Variants in FBXL4 observed in about 807,000 individuals in gnomAD.
FBXL4 encodes F-box and leucine rich repeat protein 4.
In FBXL4, 40 loss-of-function variants were observed where a neutral mutation model predicts 58.9. The observed-to-expected ratio is 0.68, with a 90% CI of 0.53 to 0.88. FBXL4 has a LOEUF of 0.88. FBXL4 is among the 40% of genes least tolerant of loss of function. The probability of loss-of-function intolerance (pLI) is 0.00; values close to 1 mark genes in which losing one functional copy is unlikely to be tolerated. For synonymous variants in FBXL4, 263 were observed against 265.5 expected (o/e 0.99, Z 0.09); for missense variants, 676 against 734.4 (o/e 0.92, Z 0.92).
chr6:98,909,418 C>CACTGAAAT (rs1771944042), intron 5 of FBXL4, among the ~76,000 whole-genome samples: 2 of 152,172 alleles, frequency 1.3e-5, no homozygotes, highest in Non-Finnish European at 2.9e-5. Context: ...GCTTTGGTCA[C>CACTGAAAT]ACTGAAATAC....
At chr6:98,881,037 A>ATGGC (rs1369116727) in intron 7 of FBXL4, among the ~76,000 whole-genome samples, 1 of 152,166 alleles carries the variant, frequency 6.6e-6, no homozygotes, top group African/African-American at 2.4e-5. Context: ...CTCCTGAAGA[A>ATGGC]TGGCTGCAGC....
chr6:98,881,494 C>G (rs1447499119), intron 7 of FBXL4, among the ~76,000 whole-genome samples: 1 of 151,854 alleles, frequency 6.6e-6, no homozygotes, highest in African/African-American at 2.4e-5. Flanking sequence ...TATTATACAA[C>G]TTCTGTAAAA....
At chr6:98,920,379 A>T (rs774142111) in intron 4 of FBXL4, among the ~76,000 whole-genome samples, 1 of 152,160 alleles carries the variant, frequency 6.6e-6, no homozygotes. Context: ...TTATTTAGTT[A>T]CATATATATC....
chr6:98,876,233 G>A (rs1002794060), intron 8 of FBXL4, among the ~76,000 whole-genome samples: 4 of 152,116 alleles, frequency 2.6e-5, no homozygotes, highest in Admixed American at 1.3e-4. Flanking sequence ...TTTGGGGACT[G>A]CATATACAAC....
intron 5 of FBXL4, among the ~76,000 whole-genome samples, chr6:98,912,629 G>C (rs138129388): frequency 2.6e-5 from 4 of 151,882 alleles, no homozygotes; most frequent in Non-Finnish European, 5.9e-5. Context: ...CAAATGCTGA[G>C]AGATTTTGTC....
At chr6:98,878,745 A>G (rs1770743537) in intron 8 of FBXL4, among the ~76,000 whole-genome samples, 1 of 152,130 alleles carries the variant, frequency 6.6e-6, no homozygotes, top group Non-Finnish European at 1.5e-5. Flanking sequence ...AATAAGGTAC[A>G]TCTAAGCAAA....
In FBXL4 at chr6:98,874,338, A is replaced by C. The variant is rs1562213020; in HGVS notation, c.1806T>G (p.Ala602=). 6.2e-7 allele frequency: 1 copy of C among 1,613,062 alleles called. No homozygotes were observed. Among genetic ancestry groups the C allele is most frequent in the Admixed American group, 1.7e-5 (1 of 59,696 alleles). ...VSFCSQIDNR[A]VLELNASFPK... is the part of the protein sequence containing the mutation. ...GAAAGCTTGCATTCAGTTCTAGCACAGCTCTGTTATCAATCTGCGAACAGA... is the reference window on the plus strand; with the variant it reads ...GAAAGCTTGCATTCAGTTCTAGCACCGCTCTGTTATCAATCTGCGAACAGA... The change falls in exon 10 of 10, where the codon GCT becomes GCG. Residue 602 remains alanine, a synonymous_variant. Transcript: ENST00000369244.
At position 98,871,267 on chromosome 6, in the gene FBXL4, T is replaced by A. The variant is rs542156277; in HGVS notation, c.*3011A>T. 11 of 152,180 alleles carry A rather than the reference T, an allele frequency of 7.2e-5. No homozygotes were observed. The highest frequency in any genetic ancestry group is 1.5e-4 in the Non-Finnish European group (10 of 68,038). The allele number at this position is 152,180 out of a possible 1,614,324, so 9.4% of individuals were successfully genotyped here. A position where few individuals can be genotyped will look rare whatever the true frequency, so the allele number is the denominator to read the frequency against. On this transcript the variant is annotated 3_prime_UTR_variant, in exon 10 of 10. Transcript: ENST00000369244. ...TAGCCTTTTGGCAAGAATGGTTGCT[T>A]AAAGAATTGAGAACACTGGGAACAA...
At chr6:98,893,881 A>G (rs1771320832) in intron 7 of FBXL4, among the ~76,000 whole-genome samples, 1 of 151,878 alleles carries the variant, frequency 6.6e-6, no homozygotes, top group Non-Finnish European at 1.5e-5. Context: ...AATGAGTCAG[A>G]TTTATTTTAT....
chr6:98,924,746 G>C (rs1297299452), intron 4 of FBXL4, among the ~76,000 whole-genome samples: 1 of 152,212 alleles, frequency 6.6e-6, no homozygotes, highest in Non-Finnish European at 1.5e-5. Flanking sequence ...GCTGTACTCT[G>C]TATGTTTTCT....
rs768408449 is a variant in FBXL4, at chr6:98,880,761, A to G, written c.1318-137T>C. The G allele has an allele frequency of 3.9e-5, 27 of 698,478 alleles. 1 individual carries two copies. In the South Asian group the frequency reaches 4.6e-4, roughly 12 times the overall value. The allele number at this position is 698,478 out of a possible 1,614,324, so 43.3% of individuals were successfully genotyped here. On this transcript the variant is annotated intron_variant, in intron 7 of 9. Coordinates refer to ENST00000369244, the MANE Select transcript of FBXL4 (RefSeq NM_001278716.2). ...TCAAAAGCTAGGTTACAGAGTCCACAAATGCCATTTAATGAGTCCCCAGAG... is the reference window on the plus strand; with the variant it reads ...TCAAAAGCTAGGTTACAGAGTCCACGAATGCCATTTAATGAGTCCCCAGAG...
intron 2 of FBXL4, among the ~76,000 whole-genome samples, chr6:98,929,746 T>C (rs1772939960): frequency 6.6e-6 from 1 of 152,114 alleles, no homozygotes; most frequent in Non-Finnish European, 1.5e-5. Context: ...CAGGTCACAG[T>C]TGGAAGGACC....
chr6:98,899,958 C>G (rs1390210490), intron 6 of FBXL4, among the ~76,000 whole-genome samples: 2 of 152,284 alleles, frequency 1.3e-5, no homozygotes, highest in Admixed American at 1.3e-4. Context: ...TCAGACTAGG[C>G]TCCTCTCAGC....
chr6:98,924,592 C>G (rs1011024363), intron 4 of FBXL4, among the ~76,000 whole-genome samples: 5 of 152,050 alleles, frequency 3.3e-5, no homozygotes, highest in African/African-American at 9.7e-5. Flanking sequence ...ATTTTTTCCT[C>G]TTAGGGAGAA....
chr6:98,926,230 T>C lies in FBXL4; in HGVS notation c.512+247A>G, dbSNP rs563759557. ...GAGTTCAAATTGTGCTTTTTGGTTT[T>C]GGTAAATTTTATGAGATACAAATAT... is the stretch of plus-strand genomic sequence containing the variant. On this transcript the variant is annotated intron_variant, in intron 4 of 9. Transcript: ENST00000369244. 3.3e-5 allele frequency among the ~76,000 whole-genome samples: 5 copies of C among 152,316 alleles called. No homozygotes were observed. In the South Asian group the frequency reaches 8.3e-4, roughly 25 times the overall value.
chr6:98,894,951 C>A (rs1430083449), intron 7 of FBXL4, among the ~76,000 whole-genome samples: 1 of 152,166 alleles, frequency 6.6e-6, no homozygotes, highest in Non-Finnish European at 1.5e-5. Context: ...GGACCCACAT[C>A]AGCATACAAG....
At position 98,905,504 on chromosome 6, in the gene FBXL4, G is replaced by C. The variant is rs780707718; in HGVS notation, c.1025C>G (p.Ser342Cys). 6.4e-5 allele frequency: 104 copies of C among 1,614,042 alleles called. No homozygotes were observed. The South Asian group carries it at 1.0e-3, about 16-fold the overall frequency. Reference protein sequence around the residue: ...LDDTSLEFLQSRCTLVQWLNL... With the variant: ...LDDTSLEFLQCRCTLVQWLNL... Reference sequence around the variant, plus strand: ...AAGCCACTGGACAAGAGTGCAGCGAGACTGTAGAAATTCCAGAGAAGTGTC... The same window carrying C: ...AAGCCACTGGACAAGAGTGCAGCGACACTGTAGAAATTCCAGAGAAGTGTC... Residue 342 changes from serine to cysteine, a missense_variant, in exon 6 of 10, where the codon TCT becomes TGT. Ser to Cys is a moderately radical substitution (Grantham distance 112). Coordinates refer to ENST00000369244, the MANE Select transcript of FBXL4 (RefSeq NM_001278716.2).
At position 98,899,111 on chromosome 6, in the gene FBXL4, A is replaced by G. The variant is rs1771509892; in HGVS notation, c.1317+157T>C. The G allele has an allele frequency of 1.4e-5, 14 of 985,384 alleles. No homozygotes were observed. The South Asian group carries it at 5.6e-4, about 40-fold the overall frequency. The allele number at this position is 985,384 out of a possible 1,614,324, so 61.0% of individuals were successfully genotyped here. Reference sequence around the variant, plus strand: ...AGCATATTAGGTTTGAAATAACTTCACAATGACTGAATCAGCTCTATTGAT... The same window carrying G: ...AGCATATTAGGTTTGAAATAACTTCGCAATGACTGAATCAGCTCTATTGAT... On this transcript the variant is annotated intron_variant, in intron 7 of 9. Transcript: ENST00000369244.
At position 98,917,377 on chromosome 6, in the gene FBXL4, A is replaced by G; in HGVS notation, c.855T>C (p.Tyr285=). The G allele has an allele frequency of 3.1e-6, 5 of 1,597,482 alleles. No individual in the cohort carries two copies. The highest frequency in any genetic ancestry group is 4.3e-6 in the Non-Finnish European group (5 of 1,171,520). ...PNNGYFDKLP[Y]ELIQLILNHL... ...CTGCTAAATATTTTTGGCTTACCTCATAAGGTAGTTTATCAAAATACCCAT... is the reference window on the plus strand; with the variant it reads ...CTGCTAAATATTTTTGGCTTACCTCGTAAGGTAGTTTATCAAAATACCCAT... The change falls in exon 5 of 10, where the codon TAT becomes TAC. Residue 285 remains tyrosine (Y), a synonymous_variant. Coordinates refer to ENST00000369244, the MANE Select transcript of FBXL4 (RefSeq NM_001278716.2).
Sources: allele counts gnomAD v4.1 joint callset (sites outside exome capture counted in the v4.1 genomes callset), GRCh38; gene constraint gnomAD v4.1.1; transcripts MANE v1.5; gene names NCBI Gene and HGNC (gene_info 2026-07-23, HGNC 2026-07-21).